PCNX2: variants seen among roughly 807,000 people sequenced by gnomAD.
PCNX2 encodes pecanex-like protein 2.
A neutral mutation model predicts 223.8 loss-of-function variants in PCNX2; 168 were observed. The ratio of observed to expected loss-of-function variants is 0.75; its 90% CI spans 0.66 to 0.85. The LOEUF is 0.85. PCNX2 is among the 40% of genes least tolerant of loss of function. PCNX2 has a pLI of 0.00. For synonymous variants in PCNX2, 1,006 were observed against 1,052.6 expected (o/e 0.96, Z 0.86); for missense variants, 2,507 against 2,675.5 (o/e 0.94, Z 1.39).
At chr1:233,062,958 G>A (rs565972088) in intron 23 of PCNX2, among the ~76,000 whole-genome samples, 4 of 152,076 alleles carry the variant, frequency 2.6e-5, no homozygotes, top group Admixed American at 1.3e-4. Flanking sequence ...AGAAGAGGCC[G>A]GGCACGGTGG....
Position 232,984,241 on chromosome 1 carries a change from G to A in PCNX2, c.*63C>T, listed in dbSNP as rs917823965. On this transcript the variant is annotated 3_prime_UTR_variant, in exon 34 of 34. Coordinates refer to ENST00000258229, the MANE Select transcript of PCNX2 (RefSeq NM_014801.4). ...TTGGTTGTGGTGATTTGGGGAGCAC[G>A]AGGGAGAGCAATGCAGGTGGGAGGT... 1.1e-5 allele frequency: 16 copies of A among 1,451,276 alleles called. No individual in the cohort carries two copies. The African/African-American group carries it at 1.4e-4, about 13-fold the overall frequency. 89.9% of individuals were successfully genotyped at this position (1,451,276 alleles called of 1,614,324 possible).
intron 23 of PCNX2, chr1:233,057,761 A>T: frequency 6.9e-6 from 3 of 437,002 alleles, no homozygotes; most frequent in Non-Finnish European, 6.1e-6. Context: ...AATCTCAGCT[A>T]CTTGGGAGGC....
At chr1:233,233,029 A>G (rs1351663427) in intron 9 of PCNX2, 2 of 985,280 alleles carry the variant, frequency 2.0e-6, no homozygotes, top group South Asian at 4.7e-5. Context: ...AAAATGCTGT[A>G]TTCCTACAGA....
intron 17 of PCNX2, among the ~76,000 whole-genome samples, chr1:233,171,782 G>GTC (rs976133692): frequency 6.6e-6 from 1 of 152,070 alleles, no homozygotes; most frequent in South Asian, 2.1e-4. Context: ...TTATGCTTCA[G>GTC]TCTCTCTCTC....
rs1659785936 is a variant in PCNX2, at chr1:233,257,289, C to CT, written c.1834+738dup. Among the ~76,000 whole-genome samples, 6 of 151,958 alleles carry CT rather than the reference C, an allele frequency of 3.9e-5. No homozygotes were observed. In the South Asian group the frequency reaches 1.2e-3, roughly 32 times the overall value. On this transcript the variant is annotated intron_variant, in intron 5 of 33. Coordinates refer to ENST00000258229, the MANE Select transcript of PCNX2 (RefSeq NM_014801.4). ...TACTTGGGAAAGCAAGTGAAAATTT[C>CT]TGAGACTCATCCGAAGAACAGGAAG... is the stretch of plus-strand genomic sequence containing the variant.
chr1:233,100,786 A>G (rs1432505388), intron 21 of PCNX2, among the ~76,000 whole-genome samples: 1 of 152,180 alleles, frequency 6.6e-6, no homozygotes, highest in Non-Finnish European at 1.5e-5. Flanking sequence ...CCATTTGATT[A>G]AAGTGCAATT....
At chr1:233,180,519 A>ATT (rs34585348) in intron 15 of PCNX2, among the ~76,000 whole-genome samples, 2,948 of 151,848 alleles carry the variant, frequency 0.019, 103 homozygotes, top group African/African-American at 0.067. Context: ...TTCTGTCAAG[A>ATT]TTTTTTTTTA....
intron 23 of PCNX2, chr1:233,086,839 G>A: frequency 5.8e-6 from 1 of 173,356 alleles, no homozygotes; most frequent in Non-Finnish European, 1.1e-5. Flanking sequence ...GACAGTGCTG[G>A]TCTACATGGC....
the PCNX2 span, among the ~76,000 whole-genome samples, chr1:233,313,373 G>A: frequency 6.6e-6 from 1 of 152,190 alleles, no homozygotes; most frequent in African/African-American, 2.4e-5. Context: ...TTGTGGCATG[G>A]GGGGATAGGT....
At chr1:233,326,570 A>G in the PCNX2 span, among the ~76,000 whole-genome samples, 1 of 152,232 alleles carries the variant, frequency 6.6e-6, no homozygotes, top group African/African-American at 2.4e-5. Context: ...AACTTGCTCA[A>G]GGTCACACAG....
chr1:233,036,596 C>G (rs914339600), intron 25 of PCNX2, among the ~76,000 whole-genome samples: 4 of 150,938 alleles, frequency 2.7e-5, no homozygotes, highest in African/African-American at 9.8e-5. Context: ...CAACACTGCA[C>G]TCCAGCCTGG....
chr1:233,295,450 CG>C lies in PCNX2; in HGVS notation c.28del (p.Arg10GlyfsTer58). 6.4e-7 allele frequency: 1 copy of C among 1,550,932 alleles called. No individual in the cohort carries two copies. Among genetic ancestry groups the C allele is most frequent in the Non-Finnish European group, 8.7e-7 (1 of 1,147,006 alleles). ...GGTGAGCGCGGCCCACACGCCCTGC[CG>C]GAGCAGCTGCAGCACCTGGGACACC... is the stretch of plus-strand genomic sequence containing the variant. Reference protein sequence around the residue: MVSQVLQLLRQGVWAALTGG... With the variant: MVSQVLQLLXQGVWAALTGG... On this transcript the variant is annotated frameshift_variant, in exon 1 of 34. Transcript: ENST00000258229. LOFTEE classifies it high-confidence loss of function. The surrounding 1 kb of genome is among the most constrained non-coding windows in gnomAD (Gnocchi z 4.1).
chr1:233,318,563 C>CAT, the PCNX2 span, among the ~76,000 whole-genome samples: 10 of 92,504 alleles, frequency 1.1e-4, no homozygotes, highest in African/African-American at 4.1e-4. Context: ...TTTTCTTTTT[C>CAT]TTTTTTTTTT....
At position 232,984,403 on chromosome 1, in the gene PCNX2, A is replaced by G. The variant is rs765515835; in HGVS notation, c.6315T>C (p.Ala2105=). Residue 2105 remains alanine, a synonymous_variant, in exon 34 of 34, where the codon GCT becomes GCC. Coordinates refer to ENST00000258229, the MANE Select transcript of PCNX2 (RefSeq NM_014801.4). ...AGACAACCCCGAGAGTGTCCGCCAC[A>G]GCCTCAGCCAGACATCGGTCATGAA... ...GQLHDRCLAE[A]VADTLGVVCR... The G allele has an allele frequency of 2.5e-6, 4 of 1,613,664 alleles. No individual in the cohort carries two copies. Among genetic ancestry groups the G allele is most frequent in the Non-Finnish European group, 3.4e-6 (4 of 1,179,836 alleles).
chr1:233,245,343 G>A (rs1659043393), intron 8 of PCNX2, among the ~76,000 whole-genome samples: 2 of 152,266 alleles, frequency 1.3e-5, no homozygotes, highest in African/African-American at 2.4e-5. Flanking sequence ...AGAGGACTGA[G>A]AAGGAAAAGA....
At position 233,057,283 on chromosome 1, in the gene PCNX2, G is replaced by A. The variant is rs1392209488; in HGVS notation, c.4084C>T (p.Arg1362Ter). The A allele has an allele frequency of 4.4e-6, 7 of 1,608,720 alleles. No individual in the cohort carries two copies. Among genetic ancestry groups the A allele is most frequent in the South Asian group, 2.2e-5 (2 of 90,326 alleles). Reference sequence around the variant, plus strand: ...AGTCTTGTGTTGGAATTATCCACTCGCCTTGTACTAGAAGAGGCCACAAAA... The same window carrying A: ...AGTCTTGTGTTGGAATTATCCACTCACCTTGTACTAGAAGAGGCCACAAAA... ...KFWEKNYNTRRVDNSNTRLAV... is the reference protein window; with the variant it reads ...KFWEKNYNTR Residue 1362 changes from arginine to a stop codon, truncating the protein, a stop_gained, in exon 24 of 34, where the codon CGA (arginine) becomes TGA (stop). Transcript: ENST00000258229. LOFTEE classifies it high-confidence loss of function.
chr1:233,019,734 G>A (rs1440240715), intron 26 of PCNX2, among the ~76,000 whole-genome samples: 1 of 150,242 alleles, frequency 6.7e-6, no homozygotes, highest in African/African-American at 2.5e-5. Context: ...ATGGCATTAG[G>A]GGACAGGAGA....
chr1:233,323,218 T>G, the PCNX2 span, among the ~76,000 whole-genome samples: 1 of 152,232 alleles, frequency 6.6e-6, no homozygotes, highest in African/African-American at 2.4e-5. Flanking sequence ...TCTTACATTT[T>G]AGGACAGAAA....
At chr1:233,294,761 G>A (rs909273107) in intron 1 of PCNX2, among the ~76,000 whole-genome samples, 1 of 152,102 alleles carries the variant, frequency 6.6e-6, no homozygotes, top group East Asian at 1.9e-4. Flanking sequence ...ACTTTGTTTA[G>A]CATAAAGTAC....
Sources: gnomAD v4.1 joint callset for allele counts (sites outside exome capture counted in the v4.1 genomes callset) on GRCh38, gnomAD v4.1.1 for gene constraint, Gnocchi (gnomAD v3.1) non-coding constraint, MANE v1.5 for transcripts, NCBI Gene and HGNC (gene_info 2026-07-23, HGNC 2026-07-21) for gene names.